The following NSF variants were observed in gnomAD, a reference collection of about 807,000 sequenced individuals.
The protein encoded by NSF is vesicle-fusing ATPase.
Under a neutral mutation model 50.3 loss-of-function variants are expected in NSF, and 14 were observed. That is an observed-to-expected ratio of 0.28 (90% confidence interval 0.18 to 0.44). The LOEUF is 0.44. Among genes scored for constraint, NSF ranks in the 20% least tolerant of loss-of-function variants. The probability of loss-of-function intolerance (pLI) is 1.00; values close to 1 mark genes in which losing one functional copy is unlikely to be tolerated. For missense variants in NSF, 218 were observed against 504.3 expected, an observed-to-expected ratio of 0.43 and a Z score of 5.44; for synonymous variants, 109 against 175.7, an observed-to-expected ratio of 0.62 and a Z score of 3.00.
At chr17:46,721,607 A>C in intron 15 of NSF, 1 of 1,578,166 alleles carries the variant, frequency 6.3e-7, no homozygotes, top group East Asian at 2.2e-5. Context: ...TGGGAATTCA[A>C]AATTAACATC....
intron 19 of NSF, among the ~76,000 whole-genome samples, chr17:46,754,236 A>C (rs1461716875): frequency 6.9e-6 from 1 of 144,026 alleles, no homozygotes; most frequent in Non-Finnish European, 1.5e-5. Flanking sequence ...TTTGTTAGCT[A>C]TTCACACTTT....
At chr17:46,748,766 CTTGTGATTGTTTT>C (rs1402895823) in intron 17 of NSF, among the ~76,000 whole-genome samples, 3 of 152,092 alleles carry the variant, frequency 2.0e-5, no homozygotes, top group Admixed American at 6.5e-5. Context: ...TGAAAGGAGA[CTTGTGATTGTTTT>C]AGAGACAAAC....
intron 15 of NSF, among the ~76,000 whole-genome samples, chr17:46,718,959 C>A (rs1025740527): frequency 6.6e-6 from 1 of 152,126 alleles, no homozygotes; most frequent in African/African-American, 2.4e-5. Flanking sequence ...ATAGTGCTAT[C>A]AAAACTCTTA....
intron 19 of NSF, among the ~76,000 whole-genome samples, chr17:46,754,278 T>A (rs2059212411): frequency 6.6e-6 from 1 of 151,892 alleles, no homozygotes; most frequent in East Asian, 1.9e-4. Flanking sequence ...ACCTCTTACC[T>A]TTGATACATT....
intron 13 of NSF, 79 bp downstream of exon 13, chr17:46,704,933 C>G: frequency 1.4e-6 from 2 of 1,446,382 alleles, no homozygotes; most frequent in Non-Finnish European, 1.9e-6. Flanking sequence ...GTGCCATTTA[C>G]TCAGTATTAT....
intron 17 of NSF, among the ~76,000 whole-genome samples, chr17:46,744,894 T>C (rs2059112156): frequency 6.6e-6 from 1 of 152,248 alleles, no homozygotes. Flanking sequence ...CTAATACTTA[T>C]TTAACCTTGG....
chr17:46,673,912 T>G lies in NSF; in HGVS notation c.746-502T>G, dbSNP rs1201954349. ...ATGGCTGAATAGTATTCCATGGGGG[T>G]GTGTGTGTGTGTGTGTGTGTGTGTG... On this transcript the variant is annotated intron_variant, in intron 8 of 20. Transcript: ENST00000398238. 7.1e-3 allele frequency among the ~76,000 whole-genome samples: 45 copies of G among 6,316 alleles called. 18 individuals carry two copies. Among genetic ancestry groups the G allele is most frequent in the Middle Eastern group, 0.25 (2 of 8 alleles). The allele number at this position is 6,316 out of a possible 152,430, so 4.1% of individuals were successfully genotyped here.
intron 17 of NSF, among the ~76,000 whole-genome samples, chr17:46,739,640 T>TA (rs1009544381): frequency 1.1e-3 from 165 of 144,944 alleles, no homozygotes; most frequent in Middle Eastern, 3.6e-3. Context: ...CTTCCTCTAC[T>TA]AAAAAAAAAA....
chr17:46,714,218 C>T (rs1006616062), intron 15 of NSF, among the ~76,000 whole-genome samples: 2 of 152,060 alleles, frequency 1.3e-5, no homozygotes, highest in Non-Finnish European at 2.9e-5. Context: ...TTGTTTAATA[C>T]ATATTAAGTT....
At chr17:46,720,619 C>CA in intron 15 of NSF, among the ~76,000 whole-genome samples, 1 of 152,284 alleles carries the variant, frequency 6.6e-6, no homozygotes, top group Admixed American at 6.5e-5. Flanking sequence ...TGAATTTGCT[C>CA]ATTTACGTTT....
intron 14 of NSF, chr17:46,713,082 G>A (rs1430201460): frequency 6.6e-6 from 1 of 152,270 alleles, no homozygotes; most frequent in Non-Finnish European, 1.5e-5. Flanking sequence ...ACATAGGCAA[G>A]TTCCATTTTG....
chr17:46,667,383 G>A (rs1361115946), intron 8 of NSF, among the ~76,000 whole-genome samples: 1 of 146,682 alleles, frequency 6.8e-6, no homozygotes, highest in East Asian at 2.0e-4. Context: ...TTTAACCTGA[G>A]ATTGTGTCTA....
chr17:46,694,284 G>A (rs1450393520), intron 11 of NSF, among the ~76,000 whole-genome samples, 191 bp from the exon 12 acceptor site: 1 of 138,680 alleles, frequency 7.2e-6, no homozygotes, highest in Non-Finnish European at 1.5e-5. Flanking sequence ...CTACTCGGAA[G>A]GCTGAGATAG....
intron 1 of NSF, among the ~76,000 whole-genome samples, chr17:46,610,423 T>C (rs2058006378): frequency 5.5e-5 from 1 of 18,172 alleles, no homozygotes; most frequent in Admixed American, 7.0e-4. Context: ...GGGCTGGCAT[T>C]CCCTTGTTGG....
chr17:46,728,951 A>T lies in NSF; in HGVS notation c.1908+17A>T. On this transcript the variant is annotated intron_variant, in intron 17 of 20. Transcript: ENST00000398238. ...CCTCCTCAGGTAAAATAATACTACT[A>T]ATAAGGAATATTTTAACAAAGAGTT... The T allele has an allele frequency of 7.0e-7, 1 of 1,419,928 alleles. No individual in the cohort carries two copies. The highest frequency in any genetic ancestry group is 9.8e-7 in the Non-Finnish European group (1 of 1,017,268). 88.0% of individuals were successfully genotyped at this position (1,419,928 alleles called of 1,614,324 possible). A position where few individuals can be genotyped will look rare whatever the true frequency, so the allele number is the denominator to read the frequency against.
At chr17:46,745,619 A>G (rs907569364) in intron 17 of NSF, among the ~76,000 whole-genome samples, 8 of 152,164 alleles carry the variant, frequency 5.3e-5, no homozygotes, top group African/African-American at 1.9e-4. Flanking sequence ...TAGGGCCAAC[A>G]TTGTCCTTTG....
intron 12 of NSF, among the ~76,000 whole-genome samples, chr17:46,703,747 A>G (rs1188222662): frequency 6.6e-6 from 1 of 150,522 alleles, no homozygotes; most frequent in African/African-American, 2.4e-5. Flanking sequence ...AACCATTTTA[A>G]ATGTACAATT....
In NSF at chr17:46,751,632, C is replaced by CT. The variant is rs1463182702; in HGVS notation, c.2157+17dup. ...GTCCCTACAGGTAAGGTACTTCGTT[C>CT]TCCGTATGACTCAGACAGAACAAAG... is the stretch of plus-strand genomic sequence containing the variant. On this transcript the variant is annotated intron_variant, in intron 19 of 20. Transcript: ENST00000398238. 1 of 1,501,134 alleles carries CT rather than the reference C, an allele frequency of 6.7e-7. No homozygotes were observed. The highest frequency in any genetic ancestry group is 9.3e-7 in the Non-Finnish European group (1 of 1,078,308). 93.0% of individuals were successfully genotyped at this position (1,501,134 alleles called of 1,614,324 possible).
chr17:46,710,547 A>G (rs1367379506), intron 13 of NSF, among the ~76,000 whole-genome samples: 1 of 152,234 alleles, frequency 6.6e-6, no homozygotes, highest in Non-Finnish European at 1.5e-5. Context: ...ATGTTAATCC[A>G]TAGCACCTGC....
Sources: allele counts gnomAD v4.1 joint callset (sites outside exome capture counted in the v4.1 genomes callset), GRCh38; gene constraint gnomAD v4.1.1; transcripts MANE v1.5; gene names NCBI Gene and HGNC (gene_info 2026-07-23, HGNC 2026-07-21).